Variants in UGT1A8 observed in about 807,000 individuals in gnomAD.
UGT1A8 encodes UDP glucuronosyltransferase family 1 member A8, also known as UDP-glucuronosyltransferase 1A8.
A neutral mutation model predicts 45.3 loss-of-function variants in UGT1A8; 39 were observed. That is an observed-to-expected ratio of 0.86 (90% CI 0.67 to 1.12). The LOEUF is 1.12. Ranked by LOEUF, UGT1A8 falls within the 50% of genes most tolerant of loss-of-function variation. The pLI is 0.00. For synonymous variants in UGT1A8, 275 were observed against 249.2 expected (o/e 1.10, Z -0.97); for missense variants, 719 against 664.9 (o/e 1.08, Z -0.90).
intron 1 of UGT1A8, among the ~76,000 whole-genome samples, chr2:233,681,700 G>C (rs182095146): frequency 1.2e-4 from 18 of 152,208 alleles, no homozygotes; most frequent in African/African-American, 3.9e-4. Flanking sequence ...GGCATGATCT[G>C]TCCCCAAGGC....
chr2:233,692,840 A>C, intron 1 of UGT1A8: 1 of 1,451,404 alleles, frequency 6.9e-7, no homozygotes, highest in Non-Finnish European at 9.0e-7. Context: ...AAAATGGTTA[A>C]ATATTAATTT....
chr2:233,705,009 G>A (rs533483147), intron 1 of UGT1A8, among the ~76,000 whole-genome samples: 48 of 152,132 alleles, frequency 3.2e-4, no homozygotes, highest in African/African-American at 1.1e-3. Context: ...GGTGGCAGGC[G>A]CCTGTAATCC....
At chr2:233,721,562 G>C (rs1409521853) in intron 1 of UGT1A8, 1 of 161,154 alleles carries the variant, frequency 6.2e-6, no homozygotes, top group Non-Finnish European at 1.4e-5. Context: ...GTTTCTTCTG[G>C]GATATCTTTT....
chr2:233,645,324 A>G (rs1027683021), intron 1 of UGT1A8, among the ~76,000 whole-genome samples: 2 of 152,192 alleles, frequency 1.3e-5, no homozygotes, highest in Non-Finnish European at 2.9e-5. Context: ...AGGTGGGGAC[A>G]CAGCCAAACC....
chr2:233,718,635 G>A, intron 1 of UGT1A8: 1 of 1,459,820 alleles, frequency 6.9e-7, no homozygotes, highest in Non-Finnish European at 9.2e-7. Flanking sequence ...TCTTTCCCAG[G>A]GTTGGGCCCA....
intron 1 of UGT1A8, among the ~76,000 whole-genome samples, chr2:233,696,656 A>G (rs1320841888): frequency 6.6e-6 from 1 of 152,188 alleles, no homozygotes; most frequent in Non-Finnish European, 1.5e-5. Flanking sequence ...GACTTCCAGT[A>G]CTATGAAGAA....
intron 1 of UGT1A8, among the ~76,000 whole-genome samples, chr2:233,639,636 T>C (rs1209749611): frequency 6.6e-6 from 1 of 152,178 alleles, no homozygotes; most frequent in East Asian, 1.9e-4. Flanking sequence ...TTGCGTGCAG[T>C]GTCCCAGACC....
At chr2:233,745,616 T>G (rs1169913759) in intron 1 of UGT1A8, among the ~76,000 whole-genome samples, 1 of 151,452 alleles carries the variant, frequency 6.6e-6, no homozygotes, top group African/African-American at 2.4e-5. Context: ...AAGCACACAA[T>G]GAACAGTCAT....
chr2:233,724,281 C>T (rs1325936815), intron 1 of UGT1A8, among the ~76,000 whole-genome samples: 26 of 111,902 alleles, frequency 2.3e-4, no homozygotes, highest in Non-Finnish European at 2.0e-4. Flanking sequence ...GCTGGCCGGG[C>T]GGGGGGCTGA....
intron 1 of UGT1A8, among the ~76,000 whole-genome samples, chr2:233,748,634 A>G (rs1335024517): frequency 6.6e-6 from 1 of 151,774 alleles, no homozygotes; most frequent in East Asian, 1.9e-4. Context: ...GTCTGTGATT[A>G]TAGAATTACA....
At chr2:233,759,612 A>T (rs992811783) in intron 1 of UGT1A8, among the ~76,000 whole-genome samples, 1 of 32,712 alleles carries the variant, frequency 3.1e-5, no homozygotes, top group African/African-American at 8.8e-5. Flanking sequence ...CGCCCCACCC[A>T]CCCACCTGTT....
intron 1 of UGT1A8, among the ~76,000 whole-genome samples, chr2:233,751,217 A>G (rs1417978582): frequency 6.6e-6 from 1 of 151,982 alleles, no homozygotes; most frequent in East Asian, 1.9e-4. Context: ...TTTAAGATTT[A>G]ATGACTGCCC....
At chr2:233,644,403 A>G (rs1353304482) in intron 1 of UGT1A8, among the ~76,000 whole-genome samples, 1 of 152,074 alleles carries the variant, frequency 6.6e-6, no homozygotes, top group Non-Finnish European at 1.5e-5. Context: ...CCCAATCTGT[A>G]CTGAAAATAC....
Position 233,772,848 on chromosome 2 carries a change from A to T in UGT1A8, c.*289A>T. 1.3e-6 allele frequency: 1 copy of T among 775,120 alleles called. No homozygotes were observed. Among genetic ancestry groups the T allele is most frequent in the Non-Finnish European group, 1.8e-6 (1 of 542,660 alleles). The allele number at this position is 775,120 out of a possible 1,614,324, so 48.0% of individuals were successfully genotyped here. ...GCTGGCATTCTAGATTACTTTTCTT[A>T]CTCTGAAACATGGCCTGTTTGGGAG... On this transcript the variant is annotated 3_prime_UTR_variant, in exon 5 of 5. Coordinates refer to ENST00000373450, the MANE Select transcript of UGT1A8 (RefSeq NM_019076.5).
intron 1 of UGT1A8, among the ~76,000 whole-genome samples, chr2:233,758,576 G>A (rs1696917059): frequency 6.6e-6 from 1 of 152,184 alleles, no homozygotes; most frequent in Admixed American, 6.5e-5. Context: ...AAAAAATGAA[G>A]AGTGTTTGGG....
At chr2:233,719,812 C>T (rs2125672172) in intron 1 of UGT1A8, 1 of 1,587,558 alleles carries the variant, frequency 6.3e-7, no homozygotes, top group South Asian at 1.1e-5. Flanking sequence ...TTCTTTATAA[C>T]AGATAAACTG....
chr2:233,735,959 A>G (rs1268805881), intron 1 of UGT1A8, among the ~76,000 whole-genome samples: 1 of 151,776 alleles, frequency 6.6e-6, no homozygotes, highest in Non-Finnish European at 1.5e-5. Flanking sequence ...CCTTCATTTC[A>G]ACTTTGGTGA....
rs188496889 is a variant in UGT1A8, at chr2:233,733,647, G to A, written c.856-33387G>A. Among the ~76,000 whole-genome samples, 3 of 152,328 alleles carry A rather than the reference G, an allele frequency of 2.0e-5. No individual in the cohort carries two copies. The East Asian group carries it at 5.8e-4, about 29-fold the overall frequency. ...ATGTTGAACCAGCCTTGCATCCCAA[G>A]GATGAAGCCGACTTGATCGATGTGG... On this transcript the variant is annotated intron_variant, in intron 1 of 4. Coordinates refer to ENST00000373450, the MANE Select transcript of UGT1A8 (RefSeq NM_019076.5).
chr2:233,664,687 G>A (rs1229622052), intron 1 of UGT1A8, among the ~76,000 whole-genome samples: 1 of 152,104 alleles, frequency 6.6e-6, no homozygotes, highest in Non-Finnish European at 1.5e-5. Flanking sequence ...ACAACACAAA[G>A]CCATGAGGGA....
Sources: allele counts gnomAD v4.1 joint callset (sites outside exome capture counted in the v4.1 genomes callset), GRCh38; gene constraint gnomAD v4.1.1; transcripts MANE v1.5; gene names NCBI Gene and HGNC (gene_info 2026-07-23, HGNC 2026-07-21).